Variants in RYR3 observed in about 807,000 individuals in gnomAD.
RYR3 encodes the protein ryanodine receptor 3.
RYR3 carries 207 observed loss-of-function variants against 584.3 expected under a neutral mutation model. The observed-to-expected ratio is 0.35, with a 90% CI of 0.32 to 0.40. RYR3 has a LOEUF of 0.40. Among genes scored for constraint, RYR3 ranks in the 10% least tolerant of loss-of-function variants. RYR3 has a pLI of 1.00. For missense variants in RYR3, 5,616 were observed against 6,089.2 expected (o/e 0.92, Z 2.59); for synonymous variants, 2,416 against 2,248.5 (o/e 1.07, Z -2.11).
chr15:33,508,506 C>T (rs969012099), intron 3 of RYR3, among the ~76,000 whole-genome samples: 13 of 151,946 alleles, frequency 8.6e-5, no homozygotes, highest in African/African-American at 2.4e-4. Context: ...AAAAATTAGC[C>T]GGGCATGGTG....
Position 33,742,431 on chromosome 15 carries a change from G to T in RYR3, c.7886G>T (p.Trp2629Leu). 6.2e-7 allele frequency: 1 copy of T among 1,607,164 alleles called. No individual in the cohort carries two copies. Among genetic ancestry groups the T allele is most frequent in the Non-Finnish European group, 8.5e-7 (1 of 1,173,686 alleles). Residue 2629 changes from tryptophan (W) to leucine (L), a missense_variant, in exon 52 of 104, where the codon TGG (tryptophan) becomes TTG (leucine). This residue lies in a region of RYR3 where 1,280 missense variants were observed against 1,426.2 expected (regional missense o/e 0.90). Transcript: ENST00000634891. ...TATGCTGAGCATTCACATGATAAAT[G>T]GGCCTGTGACAAGGTAGGGATTATC... The part of the protein sequence containing the change: ...TKYAEHSHDK[W>L]ACDKSQSGWK...
chr15:33,786,928 G>A (rs945077621), intron 66 of RYR3, among the ~76,000 whole-genome samples: 1 of 152,082 alleles, frequency 6.6e-6, no homozygotes, highest in African/African-American at 2.4e-5. Flanking sequence ...AATATCTTGG[G>A]TGCTAATTGG....
intron 64 of RYR3, among the ~76,000 whole-genome samples, chr15:33,779,968 G>A (rs1262805482): frequency 1.1e-4 from 16 of 152,114 alleles, no homozygotes; most frequent in African/African-American, 2.2e-4. Flanking sequence ...CTGATATCGC[G>A]CCACTGCACT....
intron 33 of RYR3, 21 bp downstream of exon 33, chr15:33,659,827 C>G (rs753335226): frequency 6.7e-7 from 1 of 1,493,978 alleles, no homozygotes; most frequent in Non-Finnish European, 9.3e-7. Flanking sequence ...GTCCTCTCAT[C>G]TAATGGCCAT....
At chr15:33,472,289 G>A (rs142098687) in intron 1 of RYR3, among the ~76,000 whole-genome samples, 4 of 152,160 alleles carry the variant, frequency 2.6e-5, no homozygotes, top group East Asian at 1.9e-4. Context: ...GAATTGCTTC[G>A]CACTCTCACC....
rs536465823 is a variant in RYR3, at chr15:33,607,644, C to A, written c.2164+4280C>A. 2.0e-5 allele frequency among the ~76,000 whole-genome samples: 3 copies of A among 152,166 alleles called. No homozygotes were observed. In the South Asian group the frequency reaches 6.2e-4, roughly 32 times the overall value. ...AAATGTGCATGTTTTTCAGTACTGT[C>A]TTTGAATAAAGAAAGTAGATTTTAA... On this transcript the variant is annotated intron_variant, in intron 18 of 103. Transcript: ENST00000634891.
At chr15:33,614,865 T>C (rs1173849875) in intron 19 of RYR3, among the ~76,000 whole-genome samples, 1 of 152,194 alleles carries the variant, frequency 6.6e-6, no homozygotes, top group African/African-American at 2.4e-5. Context: ...GAACTCATAA[T>C]AGTACCACCT....
intron 86 of RYR3, among the ~76,000 whole-genome samples, chr15:33,833,927 G>GA (rs1052778494): frequency 1.3e-5 from 2 of 152,196 alleles, no homozygotes; most frequent in East Asian, 1.9e-4. Context: ...TTAAAGGGTA[G>GA]AAAAAAATAG....
In RYR3 at chr15:33,724,683, G is replaced by T. The variant is rs551885504; in HGVS notation, c.6912+507G>T. Among the ~76,000 whole-genome samples the T allele has an allele frequency of 1.6e-3, 247 of 152,282 alleles. 2 individuals carry two copies. Among genetic ancestry groups the T allele is most frequent in the African/African-American group, 4.3e-3 (179 of 41,556 alleles). On this transcript the variant is annotated intron_variant, in intron 45 of 103. Transcript: ENST00000634891. ...TTCTCAGACTTCTAGTTTTGAACTA[G>T]AAAGTATGTTCTTTTCTTTTTTCAC... is the stretch of plus-strand genomic sequence containing the variant.
chr15:33,580,495 A>G (rs1429017520), intron 13 of RYR3, among the ~76,000 whole-genome samples: 1 of 152,206 alleles, frequency 6.6e-6, no homozygotes, highest in African/African-American at 2.4e-5. Context: ...AAAAATGCAG[A>G]TGCCTGGATT....
At chr15:33,673,335 T>C (rs2063961522) in intron 38 of RYR3, among the ~76,000 whole-genome samples, 1 of 152,234 alleles carries the variant, frequency 6.6e-6, no homozygotes, top group Admixed American at 6.5e-5. Flanking sequence ...CCACAACTTT[T>C]CTAGGAAAGA....
At chr15:33,692,915 G>A (rs966745243) in intron 38 of RYR3, among the ~76,000 whole-genome samples, 1 of 152,140 alleles carries the variant, frequency 6.6e-6, no homozygotes, top group Admixed American at 6.5e-5. Flanking sequence ...AAACTCATAT[G>A]TACTTGGTTT....
chr15:33,844,521 G>C (rs1290434004), intron 92 of RYR3, among the ~76,000 whole-genome samples: 1 of 152,180 alleles, frequency 6.6e-6, no homozygotes, highest in Non-Finnish European at 1.5e-5. Flanking sequence ...CTTCACGCTT[G>C]TGTGTGTGTC....
intron 2 of RYR3, among the ~76,000 whole-genome samples, chr15:33,492,730 C>T (rs1015456607): frequency 2.6e-5 from 4 of 152,064 alleles, no homozygotes; most frequent in Non-Finnish European, 4.4e-5. Flanking sequence ...ATGCTGATGC[C>T]GATTGCACCT....
rs71415518 is a variant in RYR3, at chr15:33,437,117, A to AGTGTGT, written c.52-36268_52-36263dup. 1.5e-3 allele frequency among the ~76,000 whole-genome samples: 223 copies of AGTGTGT among 149,568 alleles called. 3 individuals are homozygous for AGTGTGT. Among genetic ancestry groups the AGTGTGT allele is most frequent in the East Asian group, 7.0e-3 (35 of 4,996 alleles). ...GAGTGTGTGTGAGAGAGAGAGATAG[A>AGTGTGT]GTGTGTGTGTGTGTGTGTGTGTGTG... On this transcript the variant is annotated intron_variant, in intron 1 of 103. Transcript: ENST00000634891.
chr15:33,728,297 T>C (rs1047266319), intron 46 of RYR3, among the ~76,000 whole-genome samples: 3 of 152,218 alleles, frequency 2.0e-5, no homozygotes, highest in Admixed American at 6.5e-5. Flanking sequence ...ATTGTATTCC[T>C]AACACACAAA....
At position 33,631,240 on chromosome 15, in the gene RYR3, T is replaced by C. The variant is rs1462979846; in HGVS notation, c.2814T>C (p.Ala938=). ...TCTTGGCCCTGGGGTGCCACATTGC[T>C]CATGTTAACCCAGCTGCTGAGGAGG... is the stretch of plus-strand genomic sequence containing the variant. The part of the protein sequence containing the change: ...KTLLALGCHI[A]HVNPAAEEDL... The change falls in exon 23 of 104, where the codon GCT becomes GCC. Residue 938 remains alanine, a synonymous_variant. Transcript: ENST00000634891. 3.1e-6 allele frequency: 5 copies of C among 1,591,850 alleles called. No homozygotes were observed. Among genetic ancestry groups the C allele is most frequent in the Non-Finnish European group, 3.4e-6 (4 of 1,168,188 alleles).
intron 30 of RYR3, 30 bp downstream of exon 30, chr15:33,647,490 A>G: frequency 3.3e-6 from 5 of 1,530,368 alleles, no homozygotes; most frequent in Non-Finnish European, 4.5e-6. Flanking sequence ...TATGGTTTTA[A>G]TTATTTGATT....
chr15:33,533,997 A>C (rs998168491), intron 5 of RYR3, among the ~76,000 whole-genome samples: 1 of 152,256 alleles, frequency 6.6e-6, no homozygotes, highest in Non-Finnish European at 1.5e-5. Context: ...AAATAATGAA[A>C]ACCATGTCAT....
Sources: allele counts gnomAD v4.1 joint callset (sites outside exome capture counted in the v4.1 genomes callset), GRCh38; gene constraint gnomAD v4.1.1; regional missense constraint gnomAD v4.1.1; transcripts MANE v1.5; gene names NCBI Gene and HGNC (gene_info 2026-07-23, HGNC 2026-07-21).